CADM2: variants seen among roughly 807,000 people sequenced by gnomAD.
The protein encoded by CADM2 is cell adhesion molecule 2.
A neutral mutation model predicts 49.8 loss-of-function variants in CADM2; 12 were observed. The observed-to-expected ratio is 0.24, with a 90% CI of 0.15 to 0.39. CADM2 has a LOEUF of 0.39. Ranked by LOEUF, CADM2 falls within the 10% of genes least tolerant of loss-of-function variation. CADM2 has a pLI of 1.00. For missense variants in CADM2, 378 were observed against 492.3 expected (o/e 0.77, Z 2.20); for synonymous variants, 214 against 175.4 (o/e 1.22, Z -1.74).
At chr3:85,542,027 C>T (rs185066488) in intron 1 of CADM2, among the ~76,000 whole-genome samples, 2 of 151,994 alleles carry the variant, frequency 1.3e-5, no homozygotes, top group African/African-American at 2.4e-5. Context: ...TATCATCTCT[C>T]AGTGAGTGAT....
chr3:85,936,343 TGTAAA>T (rs1420193479), intron 7 of CADM2, among the ~76,000 whole-genome samples: 3 of 151,944 alleles, frequency 2.0e-5, no homozygotes, highest in Non-Finnish European at 2.9e-5. Flanking sequence ...TGTGTTTAAT[TGTAAA>T]GTAATTTCAA....
At chr3:85,412,579 G>C (rs2035705882) in intron 1 of CADM2, among the ~76,000 whole-genome samples, 1 of 150,196 alleles carries the variant, frequency 6.7e-6, no homozygotes, top group African/African-American at 2.5e-5. Context: ...CCAACTAATA[G>C]AAAAGTCATG....
chr3:85,187,275 G>A (rs1376935), intron 1 of CADM2, among the ~76,000 whole-genome samples: 34,625 of 151,894 alleles, frequency 0.23, 5,036 homozygotes, highest in Non-Finnish European at 0.32. Flanking sequence ...TTTGGCCTCT[G>A]ACATGTATTA....
At chr3:85,520,576 G>A (rs2061007517) in intron 1 of CADM2, among the ~76,000 whole-genome samples, 1 of 151,892 alleles carries the variant, frequency 6.6e-6, no homozygotes, top group African/African-American at 2.4e-5. Context: ...AAAAAATATT[G>A]CCACTTTCCT....
intron 3 of CADM2, among the ~76,000 whole-genome samples, chr3:85,816,346 A>T (rs1004970875): frequency 6.6e-6 from 1 of 152,016 alleles, no homozygotes; most frequent in African/African-American, 2.4e-5. Flanking sequence ...TCCAGGAGAG[A>T]GAAATAGATT....
chr3:85,947,201 A>G (rs943321910), intron 7 of CADM2, among the ~76,000 whole-genome samples: 2 of 152,040 alleles, frequency 1.3e-5, no homozygotes, highest in Non-Finnish European at 2.9e-5. Context: ...AAAAATGCTC[A>G]TCATCACTGG....
At chr3:85,139,386 C>T (rs1204602296) in intron 1 of CADM2, among the ~76,000 whole-genome samples, 1 of 151,892 alleles carries the variant, frequency 6.6e-6, no homozygotes, top group Non-Finnish European at 1.5e-5. Context: ...GAAGTTTGAA[C>T]TAAATGTCAT....
intron 1 of CADM2, among the ~76,000 whole-genome samples, chr3:85,144,750 A>T (rs1442750707): frequency 3.3e-5 from 5 of 152,180 alleles, no homozygotes; most frequent in Admixed American, 6.5e-5. Context: ...ATATTTTTTT[A>T]ATTTGATTCA....
At chr3:86,050,074 A>G (rs779850028) in intron 8 of CADM2, among the ~76,000 whole-genome samples, 3 of 152,194 alleles carry the variant, frequency 2.0e-5, no homozygotes, top group Admixed American at 6.5e-5. Context: ...TCTTCTGCCT[A>G]TGAGCCTATA....
intron 1 of CADM2, among the ~76,000 whole-genome samples, chr3:85,061,610 GAC>G (rs1368073289): frequency 6.6e-6 from 1 of 152,034 alleles, no homozygotes; most frequent in Admixed American, 6.6e-5. Flanking sequence ...AATTACAGTT[GAC>G]AGTCATGGAA....
chr3:85,157,841 G>T (rs1044926564), intron 1 of CADM2, among the ~76,000 whole-genome samples: 6 of 152,094 alleles, frequency 3.9e-5, no homozygotes, highest in Admixed American at 2.6e-4. Flanking sequence ...TTGACAAATG[G>T]GATCTAATTA....
At chr3:85,962,583 A>G (rs1239700971) in intron 8 of CADM2, among the ~76,000 whole-genome samples, 2 of 151,934 alleles carry the variant, frequency 1.3e-5, no homozygotes, top group East Asian at 3.9e-4. Flanking sequence ...GTTTTTCATA[A>G]GGTAGCTTCT....
At chr3:86,054,628 T>C (rs192363539) in intron 8 of CADM2, among the ~76,000 whole-genome samples, 171 of 152,230 alleles carry the variant, frequency 1.1e-3, no homozygotes, top group Non-Finnish European at 2.2e-3. Flanking sequence ...TTCTTTATTA[T>C]ACTAAGTATT....
At chr3:85,925,759 T>A (rs1190110141) in intron 6 of CADM2, among the ~76,000 whole-genome samples, 1 of 152,144 alleles carries the variant, frequency 6.6e-6, no homozygotes, top group Non-Finnish European at 1.5e-5. Context: ...GCAATTCGTA[T>A]CAATGCATAC....
At chr3:85,426,419 A>T (rs2036408617) in intron 1 of CADM2, among the ~76,000 whole-genome samples, 1 of 152,156 alleles carries the variant, frequency 6.6e-6, no homozygotes, top group Non-Finnish European at 1.5e-5. Context: ...GGCATGAGGC[A>T]CTGAGCCCAG....
intron 8 of CADM2, among the ~76,000 whole-genome samples, chr3:86,065,139 T>A (rs1278557000): frequency 3.3e-5 from 5 of 152,178 alleles, no homozygotes; most frequent in Admixed American, 1.3e-4. Flanking sequence ...TAGACACCAA[T>A]GGGTGAATTA....
intron 1 of CADM2, among the ~76,000 whole-genome samples, chr3:85,597,512 C>T (rs2063278044): frequency 1.3e-5 from 2 of 151,962 alleles, no homozygotes; most frequent in Admixed American, 1.3e-4. Context: ...TCCAACTCTC[C>T]AGAGATTGTA....
chr3:85,640,611 T>A (rs2064681107), intron 1 of CADM2, among the ~76,000 whole-genome samples: 1 of 152,032 alleles, frequency 6.6e-6, no homozygotes, highest in Non-Finnish European at 1.5e-5. Flanking sequence ...AAGACCTGGT[T>A]GGTGGGGAAA....
chr3:85,644,040 G>A (rs755587611), intron 1 of CADM2, among the ~76,000 whole-genome samples: 9 of 152,104 alleles, frequency 5.9e-5, no homozygotes, highest in African/African-American at 1.2e-4. Flanking sequence ...AAGAAAGTGA[G>A]TATACCCATG....
Sources: allele counts gnomAD v4.1 joint callset (sites outside exome capture counted in the v4.1 genomes callset), GRCh38; gene constraint gnomAD v4.1.1; transcripts MANE v1.5; gene names NCBI Gene and HGNC (gene_info 2026-07-23, HGNC 2026-07-21).